The following VWCE variants were observed in gnomAD, a reference collection of about 807,000 sequenced individuals.
VWCE encodes the protein von Willebrand factor C and EGF domains.
A neutral mutation model predicts 102.9 loss-of-function variants in VWCE; 68 were observed. The observed-to-expected ratio is 0.66, with a 90% CI of 0.54 to 0.81. The LOEUF is 0.81. Ranked by LOEUF, VWCE falls within the 30% of genes least tolerant of loss-of-function variation. The pLI, the probability that VWCE is intolerant of heterozygous loss-of-function variation, is 0.00. For missense variants in VWCE, 1,137 were observed against 1,263.6 expected (o/e 0.90, Z 1.52); for synonymous variants, 497 against 515.4 (o/e 0.96, Z 0.48).
chr11:61,264,153 G>C (rs2134736515), intron 19 of VWCE, among the ~76,000 whole-genome samples: 1 of 150,596 alleles, frequency 6.6e-6, no homozygotes, highest in South Asian at 2.1e-4. Context: ...GTGAACCCGG[G>C]AGGCGGAGCT....
At chr11:61,283,320 A>G (rs1024487926) in intron 5 of VWCE, among the ~76,000 whole-genome samples, 5 of 152,196 alleles carry the variant, frequency 3.3e-5, no homozygotes, top group African/African-American at 9.6e-5. Flanking sequence ...ATGCCGCCCC[A>G]TAGCTCACGA....
chr11:61,293,860 T>A (rs1314174724), intron 1 of VWCE, among the ~76,000 whole-genome samples: 1 of 152,092 alleles, frequency 6.6e-6, no homozygotes, highest in Non-Finnish European at 1.5e-5. Context: ...GGGGCCTTTT[T>A]CCCTCTCTGA....
chr11:61,258,552 C>T lies in VWCE; in HGVS notation c.*123G>A, dbSNP rs1854251081. 1.9e-6 allele frequency: 2 copies of T among 1,029,980 alleles called. No individual in the cohort carries two copies. Among genetic ancestry groups the T allele is most frequent in the South Asian group, 4.5e-5 (1 of 22,058 alleles). The allele number at this position is 1,029,980 out of a possible 1,614,324, so 63.8% of individuals were successfully genotyped here. A position where few individuals can be genotyped will look rare whatever the true frequency, so the allele number is the denominator to read the frequency against. ...AGCCTTGGGGGTCTTCCATCCTCAC[C>T]AGGGCCCCTGCAGGAGGGAGCCCAG... is the stretch of plus-strand genomic sequence containing the variant. On this transcript the variant is annotated 3_prime_UTR_variant, in exon 20 of 20. Coordinates refer to ENST00000335613, the MANE Select transcript of VWCE (RefSeq NM_152718.2).
intron 19 of VWCE, among the ~76,000 whole-genome samples, 172 bp downstream of exon 19, chr11:61,264,315 C>T (rs1221244312): frequency 6.0e-5 from 9 of 151,120 alleles, no homozygotes; most frequent in Non-Finnish European, 8.8e-5. Flanking sequence ...ATCATGAGCA[C>T]GGGATGAGGG....
At chr11:61,272,638 ACT>A (rs550165265) in intron 13 of VWCE, among the ~76,000 whole-genome samples, 242 of 152,116 alleles carry the variant, frequency 1.6e-3, no homozygotes, top group African/African-American at 5.6e-3. Context: ...ACAGATACAC[ACT>A]CGTACACAGG....
chr11:61,274,520 C>T lies in VWCE; in HGVS notation c.1560G>A (p.Glu520=), dbSNP rs540936887. 1.9e-6 allele frequency: 3 copies of T among 1,612,750 alleles called. No individual in the cohort carries two copies. The highest frequency in any genetic ancestry group is 1.7e-5 in the Admixed American group (1 of 59,744). The part of the protein sequence containing the change: ...DGAVFSGGGD[E]CTTCVCQNGE... ...ATACCTGGCAAACACAGGTGGTACA[C>T]TCGTCACCACCCCCACTGAACACAG... The change falls in exon 12 of 20, where the codon GAG becomes GAA. Residue 520 remains glutamate (E), a synonymous_variant. Coordinates refer to ENST00000335613, the MANE Select transcript of VWCE (RefSeq NM_152718.2).
intron 19 of VWCE, among the ~76,000 whole-genome samples, chr11:61,264,161 G>A (rs1478860049): frequency 6.8e-6 from 1 of 147,346 alleles, no homozygotes; most frequent in African/African-American, 2.5e-5. Context: ...GGGAGGCGGA[G>A]CTTGCAGTGA....
chr11:61,280,753 G>T, intron 8 of VWCE, 36 bp from the exon 9 acceptor site: 1 of 1,613,320 alleles, frequency 6.2e-7, no homozygotes, highest in Non-Finnish European at 8.5e-7. Flanking sequence ...CCACCACAAG[G>T]CCCCAGACCA....
At chr11:61,281,986 C>A in intron 6 of VWCE, 72 bp from the exon 7 acceptor site, 1 of 1,557,004 alleles carries the variant, frequency 6.4e-7, no homozygotes, top group Non-Finnish European at 8.7e-7. Context: ...CATCCCTTAG[C>A]TCAAAACACT....
At chr11:61,285,769 T>C (rs1855300280) in intron 5 of VWCE, among the ~76,000 whole-genome samples, 1 of 152,140 alleles carries the variant, frequency 6.6e-6, no homozygotes, top group Non-Finnish European at 1.5e-5. Context: ...TACTTTGTTT[T>C]CTGAGATGAA....
chr11:61,289,415 A>G (rs1367921531), intron 4 of VWCE, among the ~76,000 whole-genome samples: 1 of 151,550 alleles, frequency 6.6e-6, no homozygotes, highest in Non-Finnish European at 1.5e-5. Flanking sequence ...TACACCAGCT[A>G]GTTTTTGTGT....
rs187990386 is a variant in VWCE at position 61,277,323 on chromosome 11, T to C, written c.1408-643A>G. Among the ~76,000 whole-genome samples the C allele has an allele frequency of 2.1e-3, 319 of 151,498 alleles. 2 individuals are homozygous for C. Among genetic ancestry groups the C allele is most frequent in the African/African-American group, 7.3e-3 (301 of 41,268 alleles). On this transcript the variant is annotated intron_variant, in intron 10 of 19. Transcript: ENST00000335613. ...CAGAGCAAGAGACACTTAAAGATGG[T>C]CATGACCCGGTGCAGTGGCTCATCC...
intron 18 of VWCE, 122 bp from the exon 19 acceptor site, chr11:61,264,699 C>A: frequency 8.8e-7 from 1 of 1,131,994 alleles, no homozygotes; most frequent in Non-Finnish European, 1.3e-6. Context: ...ACAGAGGCTG[C>A]AGTGCCTGAG....
rs554753011 is a variant in VWCE at position 61,278,557 on chromosome 11, T to C, written c.1325-81A>G. The C allele has an allele frequency of 1.8e-5, 23 of 1,307,970 alleles. No individual in the cohort carries two copies. In the East Asian group the frequency reaches 5.1e-4, roughly 29 times the overall value. 81.0% of individuals were successfully genotyped at this position (1,307,970 alleles called of 1,614,324 possible). On this transcript the variant is annotated intron_variant, in intron 9 of 19. Coordinates refer to ENST00000335613, the MANE Select transcript of VWCE (RefSeq NM_152718.2). ...TTGAGGTCTCGCTGCTTCTCCATGCTTAATGTACCTGGAACATTCTCTCAC... is the reference window on the plus strand; with the variant it reads ...TTGAGGTCTCGCTGCTTCTCCATGCCTAATGTACCTGGAACATTCTCTCAC...
chr11:61,269,142 G>T, intron 14 of VWCE, 124 bp from the exon 15 acceptor site: 5 of 841,846 alleles, frequency 5.9e-6, no homozygotes, highest in Non-Finnish European at 9.5e-6. Context: ...AACATGACGC[G>T]GCTGGAAGAT....
chr11:61,291,790 C>G (rs1271241480), intron 1 of VWCE, among the ~76,000 whole-genome samples: 1 of 152,196 alleles, frequency 6.6e-6, no homozygotes, highest in Non-Finnish European at 1.5e-5. Context: ...TACTGGCCTC[C>G]TACAGATATC....
intron 14 of VWCE, 38 bp from the exon 15 acceptor site, chr11:61,269,056 G>C: frequency 6.3e-7 from 1 of 1,596,758 alleles, no homozygotes; most frequent in Non-Finnish European, 8.6e-7. Flanking sequence ...CCCCACCGGT[G>C]ACACCGGCCC....
At chr11:61,263,351 A>C (rs1281107378) in intron 19 of VWCE, among the ~76,000 whole-genome samples, 1 of 152,098 alleles carries the variant, frequency 6.6e-6, no homozygotes, top group Admixed American at 6.6e-5. Flanking sequence ...AACATGGATG[A>C]AACTGGAGGA....
chr11:61,290,717 G>A, intron 4 of VWCE, 82 bp downstream of exon 4: 1 of 1,495,986 alleles, frequency 6.7e-7, no homozygotes, highest in Non-Finnish European at 9.0e-7. Flanking sequence ...GCAATACACT[G>A]GAGACCATCC....
Sources: gnomAD v4.1 joint callset for allele counts (sites outside exome capture counted in the v4.1 genomes callset) on GRCh38, gnomAD v4.1.1 for gene constraint, MANE v1.5 for transcripts, NCBI Gene and HGNC (gene_info 2026-07-23, HGNC 2026-07-21) for gene names.